RBMS3: variants seen among roughly 807,000 people sequenced by gnomAD.
RBMS3 encodes RNA binding motif single stranded interacting protein 3.
Under a neutral mutation model 66.8 loss-of-function variants are expected in RBMS3, and 27 were observed. The observed-to-expected ratio is 0.40, with a 90% CI of 0.30 to 0.56. The LOEUF (loss-of-function observed/expected upper bound fraction) is 0.56, where lower values mean the gene tolerates loss of function less well. RBMS3 is among the 20% of genes least tolerant of loss of function. The pLI, the probability that RBMS3 is intolerant of heterozygous loss-of-function variation, is 0.40. For missense variants in RBMS3, 513 were observed against 549.5 expected (o/e 0.93, Z 0.66); for synonymous variants, 188 against 183.0 (o/e 1.03, Z -0.22).
intron 12 of RBMS3, among the ~76,000 whole-genome samples, chr3:29,968,028 T>C (rs1209288303): frequency 1.3e-5 from 2 of 152,198 alleles, no homozygotes; most frequent in African/African-American, 4.8e-5. Context: ...AGTTTGTTCT[T>C]GTTTCTCTAG....
chr3:29,645,237 C>G (rs908013755), intron 4 of RBMS3, among the ~76,000 whole-genome samples: 1 of 152,196 alleles, frequency 6.6e-6, no homozygotes, highest in African/African-American at 2.4e-5. Context: ...GCACTTTTCT[C>G]TCTGCTTTAA....
chr3:29,708,370 A>G (rs957571496), intron 4 of RBMS3, among the ~76,000 whole-genome samples: 1 of 152,196 alleles, frequency 6.6e-6, no homozygotes, highest in East Asian at 1.9e-4. Context: ...TTTCAGGGGC[A>G]TGGCTATTTT....
intron 12 of RBMS3, among the ~76,000 whole-genome samples, chr3:29,976,076 G>GAT (rs758352614): frequency 1.7e-4 from 26 of 151,268 alleles, no homozygotes; most frequent in South Asian, 8.4e-4. Flanking sequence ...GGTTTTTGAT[G>GAT]ATATATATAT....
chr3:30,006,452 A>ACACT lies in RBMS3; in HGVS notation c.*2594_*2597dup, dbSNP rs906569531. Reference sequence around the variant, plus strand: ...CGTTATAGAGAAATTCCAACTGGTCACACTCACCATTATGGTTTTTCATGC... The same window carrying ACACT: ...CGTTATAGAGAAATTCCAACTGGTCACACTCACTCACCATTATGGTTTTTCATGC... On this transcript the variant is annotated 3_prime_UTR_variant, in exon 15 of 15. Coordinates refer to ENST00000383767, the MANE Select transcript of RBMS3 (RefSeq NM_001003793.3). 8 of 151,922 alleles carry ACACT rather than the reference A, an allele frequency of 5.3e-5. No homozygotes were observed. Among genetic ancestry groups the ACACT allele is most frequent in the Non-Finnish European group, 4.4e-5 (3 of 67,856 alleles). The allele number at this position is 151,922 out of a possible 1,614,324, so 9.4% of individuals were successfully genotyped here. A position where few individuals can be genotyped will look rare whatever the true frequency, so the allele number is the denominator to read the frequency against.
At chr3:29,889,076 T>A (rs537674772) in intron 8 of RBMS3, among the ~76,000 whole-genome samples, 1 of 151,800 alleles carries the variant, frequency 6.6e-6, no homozygotes, top group South Asian at 2.1e-4. Context: ...AGAACAACAC[T>A]CAAACTTCCC....
intron 12 of RBMS3, among the ~76,000 whole-genome samples, chr3:29,986,774 C>G (rs1474347005): frequency 6.6e-6 from 1 of 152,124 alleles, no homozygotes; most frequent in Non-Finnish European, 1.5e-5. Flanking sequence ...AAAACCCTGT[C>G]TCTACTAAAA....
chr3:29,475,622 A>C (rs1489838885), intron 2 of RBMS3, among the ~76,000 whole-genome samples: 1 of 152,162 alleles, frequency 6.6e-6, no homozygotes, highest in Non-Finnish European at 1.5e-5. Context: ...ACATTACCAA[A>C]TCATGAAACA....
intron 7 of RBMS3, among the ~76,000 whole-genome samples, chr3:29,870,310 C>T (rs1284840077): frequency 2.0e-5 from 3 of 152,048 alleles, no homozygotes. Flanking sequence ...CCCTACCAAA[C>T]ACCCATTATC....
intron 3 of RBMS3, among the ~76,000 whole-genome samples, chr3:29,510,000 A>G (rs1264370595): frequency 6.6e-6 from 1 of 152,240 alleles, no homozygotes; most frequent in Non-Finnish European, 1.5e-5. Flanking sequence ...ATGATCATGC[A>G]TGTGATTTTG....
At chr3:29,575,076 A>G (rs910260936) in intron 3 of RBMS3, among the ~76,000 whole-genome samples, 22 of 152,108 alleles carry the variant, frequency 1.4e-4, no homozygotes, top group Admixed American at 1.2e-3. Flanking sequence ...CATATTTACT[A>G]TTACCAGTGA....
chr3:29,969,848 T>G (rs549851975), intron 12 of RBMS3, among the ~76,000 whole-genome samples: 2 of 152,312 alleles, frequency 1.3e-5, no homozygotes, highest in African/African-American at 2.4e-5. Flanking sequence ...AAGTTCACCC[T>G]TGTCATCATT....
intron 1 of RBMS3, among the ~76,000 whole-genome samples, chr3:29,346,099 A>G (rs1209269596): frequency 6.6e-6 from 1 of 152,204 alleles, no homozygotes; most frequent in African/African-American, 2.4e-5. Context: ...CGTTCAAGAA[A>G]CAAAGGGAAT....
At chr3:29,365,317 GAT>G (rs10540437) in intron 1 of RBMS3, among the ~76,000 whole-genome samples, 89,889 of 150,794 alleles carry the variant, frequency 0.6, 27,780 homozygotes, top group Non-Finnish European at 0.69. Flanking sequence ...CAAATTAGGA[GAT>G]ATATATATAT....
chr3:29,709,690 T>C (rs542042456), intron 4 of RBMS3, among the ~76,000 whole-genome samples: 1 of 152,320 alleles, frequency 6.6e-6, no homozygotes, highest in South Asian at 2.1e-4. Flanking sequence ...GAATCTCTTA[T>C]GTTTGTCCCC....
At chr3:29,388,985 G>A (rs143117440) in intron 1 of RBMS3, among the ~76,000 whole-genome samples, 102 of 152,324 alleles carry the variant, frequency 6.7e-4, no homozygotes, top group African/African-American at 2.4e-3. Flanking sequence ...ATTGATTTGA[G>A]AATTTGAGAG....
chr3:29,413,449 G>A (rs2040362267), intron 1 of RBMS3, among the ~76,000 whole-genome samples: 1 of 152,042 alleles, frequency 6.6e-6, no homozygotes, highest in African/African-American at 2.4e-5. Flanking sequence ...AGAAAAGCTA[G>A]GAGAAATGCA....
At chr3:29,684,353 A>G (rs1381718727) in intron 4 of RBMS3, among the ~76,000 whole-genome samples, 2 of 152,214 alleles carry the variant, frequency 1.3e-5, no homozygotes, top group Admixed American at 6.5e-5. Flanking sequence ...ACAGACTTTA[A>G]TGTTTTAAAA....
At chr3:29,716,909 G>GTACATC (rs55938048) in intron 4 of RBMS3, among the ~76,000 whole-genome samples, 4 of 151,200 alleles carry the variant, frequency 2.6e-5, no homozygotes, top group Non-Finnish European at 5.9e-5. Flanking sequence ...AATCATTGTA[G>GTACATC]TACATGCATA....
chr3:29,631,151 C>T (rs1039852971), intron 4 of RBMS3, among the ~76,000 whole-genome samples: 2 of 151,876 alleles, frequency 1.3e-5, no homozygotes, highest in Non-Finnish European at 2.9e-5. Context: ...TGCATTATAA[C>T]TATCACTGTA....
Sources: gnomAD v4.1 joint callset for allele counts (sites outside exome capture counted in the v4.1 genomes callset) on GRCh38, gnomAD v4.1.1 for gene constraint, MANE v1.5 for transcripts, NCBI Gene and HGNC (gene_info 2026-07-23, HGNC 2026-07-21) for gene names.